Variants in UBA2 observed in about 807,000 individuals in gnomAD.
UBA2 encodes the protein SUMO-activating enzyme subunit 2.
In UBA2, 11 loss-of-function variants were observed where a neutral mutation model predicts 77.2. That is an observed-to-expected ratio of 0.14 (90% CI 0.09 to 0.24). UBA2 has a LOEUF of 0.24. UBA2 is among the 10% of genes least tolerant of loss of function. The probability of loss-of-function intolerance (pLI) is 1.00; values close to 1 mark genes in which losing one functional copy is unlikely to be tolerated. For synonymous variants in UBA2, 278 were observed against 276.7 expected (o/e 1.00, Z -0.05); for missense variants, 487 against 781.7 (o/e 0.62, Z 4.50).
chr19:34,428,578 C>T lies in UBA2; in HGVS notation c.138+8C>T, dbSNP rs1037611867. The T allele has an allele frequency of 7.7e-7, 1 of 1,296,888 alleles. No homozygotes were observed. The allele number at this position is 1,296,888 out of a possible 1,614,324, so 80.3% of individuals were successfully genotyped here. A position where few individuals can be genotyped will look rare whatever the true frequency, so the allele number is the denominator to read the frequency against. On this transcript the variant is annotated splice_region_variant and intron_variant, in intron 1 of 16. Coordinates refer to ENST00000246548, the MANE Select transcript of UBA2 (RefSeq NM_005499.3). ...TTCTCCCACATCGACCTGGTGAGGG[C>T]CGGGCGCGCGCGCGTGAATGGCGGG...
intron 6 of UBA2, among the ~76,000 whole-genome samples, chr19:34,442,094 G>A (rs138649503): frequency 0.013 from 1,922 of 151,986 alleles, 19 homozygotes; most frequent in Non-Finnish European, 0.023. Context: ...AATTAGCAAG[G>A]CATGGTGGCA....
intron 12 of UBA2, among the ~76,000 whole-genome samples, chr19:34,457,166 TAAAA>T (rs569078000): frequency 1.2e-4 from 6 of 51,042 alleles, no homozygotes; most frequent in Admixed American, 2.6e-4. Context: ...TGGTCTCTAC[TAAAA>T]AAAAAAAAAA....
intron 12 of UBA2, among the ~76,000 whole-genome samples, chr19:34,456,841 A>G (rs1264716022): frequency 3.9e-5 from 6 of 152,234 alleles, no homozygotes; most frequent in East Asian, 1.9e-4. Flanking sequence ...TACAGGAGTG[A>G]GCCACCGTTC....
intron 9 of UBA2, among the ~76,000 whole-genome samples, chr19:34,451,028 T>G (rs2075488892): frequency 6.6e-6 from 1 of 152,180 alleles, no homozygotes. Flanking sequence ...AGTCTTGCTA[T>G]GTTGCCCAGA....
chr19:34,468,032 C>T (rs1030215), intron 16 of UBA2, among the ~76,000 whole-genome samples: 6,061 of 152,190 alleles, frequency 0.04, 349 homozygotes, highest in African/African-American at 0.13. Flanking sequence ...ACCAGTATGA[C>T]TTGGGTATAG....
chr19:34,434,409 C>T (rs976811348), intron 4 of UBA2, among the ~76,000 whole-genome samples: 7 of 152,228 alleles, frequency 4.6e-5, no homozygotes, highest in Non-Finnish European at 7.3e-5. Flanking sequence ...AGCCAGTGCT[C>T]CTGGCGTGAA....
At chr19:34,438,110 T>C (rs972482106) in intron 5 of UBA2, among the ~76,000 whole-genome samples, 9 of 152,056 alleles carry the variant, frequency 5.9e-5, no homozygotes, top group African/African-American at 2.2e-4. Flanking sequence ...TAGTAACACC[T>C]AAGATTTTTC....
At chr19:34,428,965 T>C in intron 1 of UBA2, 1 of 986,408 alleles carries the variant, frequency 1.0e-6, no homozygotes, top group Non-Finnish European at 1.2e-6. Flanking sequence ...CTGTCGTAAC[T>C]CCGAAGTAAC....
chr19:34,433,464 C>A, intron 4 of UBA2, 52 bp downstream of exon 4: 3 of 1,197,500 alleles, frequency 2.5e-6, no homozygotes, highest in South Asian at 2.6e-5. Flanking sequence ...TCTCCCATAT[C>A]AAATTTGTTT....
intron 12 of UBA2, among the ~76,000 whole-genome samples, chr19:34,456,775 C>T (rs1170496075): frequency 6.6e-6 from 1 of 152,014 alleles, no homozygotes; most frequent in Non-Finnish European, 1.5e-5. Flanking sequence ...CCAGGCTGGT[C>T]ATGAACTCCT....
Position 34,433,840 on chromosome 19 carries a change from C to T in UBA2, c.358+428C>T, listed in dbSNP as rs377704677. On this transcript the variant is annotated intron_variant, in intron 4 of 16. Coordinates refer to ENST00000246548, the MANE Select transcript of UBA2 (RefSeq NM_005499.3). Reference sequence around the variant, plus strand: ...CGGTGTGGTGGCATGTGCCTGTAGTCCCAGCTTCTCCGGAGGCTGAGGTGG... The same window carrying T: ...CGGTGTGGTGGCATGTGCCTGTAGTTCCAGCTTCTCCGGAGGCTGAGGTGG... Among the ~76,000 whole-genome samples, 11 of 152,238 alleles carry T rather than the reference C, an allele frequency of 7.2e-5. No individual in the cohort carries two copies. In the East Asian group the frequency reaches 1.5e-3, roughly 21 times the overall value.
intron 12 of UBA2, among the ~76,000 whole-genome samples, chr19:34,454,827 T>C (rs1255587721): frequency 6.6e-6 from 1 of 152,328 alleles, no homozygotes; most frequent in East Asian, 1.9e-4. Flanking sequence ...ACTAAGAAGA[T>C]GTTTCAACTG....
intron 12 of UBA2, among the ~76,000 whole-genome samples, chr19:34,456,544 C>T (rs531249155): frequency 4.5e-4 from 68 of 151,988 alleles, no homozygotes; most frequent in African/African-American, 1.5e-3. Context: ...TTTTTAATTT[C>T]TAAGAACTTT....
rs1283474760 is a variant in UBA2 at position 34,469,047 on chromosome 19, G to C, written c.1749G>C (p.Glu583Asp). The C allele has an allele frequency of 6.2e-7, 1 of 1,603,798 alleles. No individual in the cohort carries two copies. The highest frequency in any genetic ancestry group is 1.4e-5 in the African/African-American group (1 of 74,060). The change falls in exon 17 of 17, where the codon GAG (glutamate) becomes GAC (aspartate). Residue 583 changes from glutamate to aspartate, a missense_variant. Glu to Asp is a conservative substitution (Grantham distance 45). Transcript: ENST00000246548. ...CCTTTTTTCTGAAATAAGCTCAAGA[G>C]CAAGATGACGTTCTCATAGTTGATT... The part of the protein sequence containing the change: ...GAQPSTSTAQ[E>D]QDDVLIVDSD...
intron 6 of UBA2, among the ~76,000 whole-genome samples, chr19:34,441,296 A>G (rs1173813878): frequency 6.6e-6 from 1 of 151,974 alleles, no homozygotes; most frequent in Non-Finnish European, 1.5e-5. Flanking sequence ...TCTACTACAA[A>G]TAAAAAAAAT....
intron 6 of UBA2, 46 bp downstream of exon 6, chr19:34,438,812 A>C (rs772188953): frequency 2.4e-5 from 39 of 1,603,160 alleles, no homozygotes; most frequent in East Asian, 2.2e-5. Context: ...CTGATGATGG[A>C]AAATGGAGTC....
At chr19:34,456,097 T>TTTC (rs1478713609) in intron 12 of UBA2, among the ~76,000 whole-genome samples, 1 of 85,530 alleles carries the variant, frequency 1.2e-5, no homozygotes, top group Non-Finnish European at 2.2e-5. Flanking sequence ...TTTTTTTCCT[T>TTTC]TTCTTTTTCT....
At chr19:34,467,874 T>C (rs1255385216) in intron 16 of UBA2, among the ~76,000 whole-genome samples, 1 of 152,208 alleles carries the variant, frequency 6.6e-6, no homozygotes, top group Non-Finnish European at 1.5e-5. Flanking sequence ...GAAATGATAG[T>C]TTACTAGTGT....
intron 12 of UBA2, among the ~76,000 whole-genome samples, chr19:34,455,836 T>G (rs1486960023): frequency 1.2e-4 from 18 of 152,018 alleles, no homozygotes; most frequent in Admixed American, 1.2e-3. Flanking sequence ...AGAGACGGGT[T>G]TCACTATGTT....
Sources: allele counts gnomAD v4.1 joint callset (sites outside exome capture counted in the v4.1 genomes callset), GRCh38; gene constraint gnomAD v4.1.1; transcripts MANE v1.5; gene names NCBI Gene and HGNC (gene_info 2026-07-23, HGNC 2026-07-21).